Variants in CIT observed in about 807,000 individuals in gnomAD.
CIT encodes citron rho-interacting serine/threonine kinase.
CIT carries 79 observed loss-of-function variants against 272.7 expected under a neutral mutation model. The ratio of observed to expected loss-of-function variants is 0.29; its 90% CI spans 0.24 to 0.35. The LOEUF is 0.35. Among genes scored for constraint, CIT ranks in the 10% least tolerant of loss-of-function variants. CIT has a pLI of 1.00. For missense variants in CIT, 1,909 were observed against 2,618.3 expected (o/e 0.73, Z 5.91); for synonymous variants, 948 against 995.6 (o/e 0.95, Z 0.90).
intron 17 of CIT, among the ~76,000 whole-genome samples, 191 bp downstream of exon 17, chr12:119,772,579 T>G (rs1437089983): frequency 6.6e-6 from 1 of 152,242 alleles, no homozygotes; most frequent in East Asian, 1.9e-4. Flanking sequence ...TCTTTCTACT[T>G]GAAGCTGCTA....
At chr12:119,739,723 G>T (rs1958966579) in intron 24 of CIT, among the ~76,000 whole-genome samples, 2 of 152,134 alleles carry the variant, frequency 1.3e-5, no homozygotes, top group African/African-American at 4.8e-5. Context: ...CCCTGTGCAA[G>T]CAGTTTGCAC....
At chr12:119,777,515 C>G (rs1963880543) in intron 13 of CIT, among the ~76,000 whole-genome samples, 1 of 151,570 alleles carries the variant, frequency 6.6e-6, no homozygotes, top group Admixed American at 6.6e-5. Flanking sequence ...ACTAAAAACA[C>G]AAAAATTAGC....
At chr12:119,870,777 A>G (rs878868734) in intron 2 of CIT, among the ~76,000 whole-genome samples, 4 of 152,100 alleles carry the variant, frequency 2.6e-5, no homozygotes, top group African/African-American at 9.7e-5. Context: ...AGTGGTTGCA[A>G]CAGAGACTAC....
At chr12:119,853,766 AG>A (rs1970391140) in intron 4 of CIT, among the ~76,000 whole-genome samples, 1 of 152,218 alleles carries the variant, frequency 6.6e-6, no homozygotes, top group Non-Finnish European at 1.5e-5. Context: ...AAGGTGTCCA[AG>A]GAAGGCTGAA....
intron 5 of CIT, among the ~76,000 whole-genome samples, chr12:119,847,835 G>A (rs1386733371): frequency 6.6e-6 from 1 of 152,220 alleles, no homozygotes; most frequent in Non-Finnish European, 1.5e-5. Flanking sequence ...AGGTTGCAGT[G>A]AGCTGAGATT....
At position 119,734,224 on chromosome 12, in the gene CIT, G is replaced by A; in HGVS notation, c.3290C>T (p.Ser1097Phe). The A allele has an allele frequency of 1.2e-6, 2 of 1,613,556 alleles. No homozygotes were observed. The highest frequency in any genetic ancestry group is 1.7e-6 in the Non-Finnish European group (2 of 1,179,924). ...AWRSVLGDEK[S>F]QFECRVRELQ... is the part of the protein sequence containing the mutation. ...CTCTCGAACCCGACACTCAAACTGG[G>A]ATTTCTCATCACCCAGGACGCTCCT... is the stretch of plus-strand genomic sequence containing the variant. The change falls in exon 26 of 48, where the codon TCC (serine) becomes TTC (phenylalanine). Residue 1097 changes from serine to phenylalanine, a missense_variant. By Grantham distance (155) the Ser-to-Phe change is radical. Around this residue, in one of 8 missense-constraint regions of CIT, gnomAD observed 530 missense variants for 822.4 expected, o/e 0.64. Coordinates refer to ENST00000392521, the MANE Select transcript of CIT (RefSeq NM_001206999.2).
chr12:119,832,129 G>C (rs1968683123), intron 7 of CIT, among the ~76,000 whole-genome samples: 1 of 152,124 alleles, frequency 6.6e-6, no homozygotes, highest in Non-Finnish European at 1.5e-5. Context: ...TTTTTGCGGA[G>C]TTGACTTCCA....
intron 13 of CIT, among the ~76,000 whole-genome samples, chr12:119,778,836 G>A (rs1383686108): frequency 6.6e-6 from 1 of 152,092 alleles, no homozygotes; most frequent in Non-Finnish European, 1.5e-5. Flanking sequence ...CAGAATCATG[G>A]GGCACACAGG....
intron 41 of CIT, among the ~76,000 whole-genome samples, chr12:119,703,386 T>C (rs137973165): frequency 2.2e-3 from 338 of 151,362 alleles, no homozygotes; most frequent in Non-Finnish European, 4.1e-3. Context: ...CTCTAACAGG[T>C]AATGACCCTT....
intron 22 of CIT, among the ~76,000 whole-genome samples, chr12:119,757,132 AAG>A (rs1166850696): frequency 2.6e-5 from 4 of 151,294 alleles, no homozygotes; most frequent in Non-Finnish European, 5.9e-5. Context: ...AAAAAAAAAA[AAG>A]AGGTTAGCAC....
chr12:119,834,199 C>G lies in CIT; in HGVS notation c.546G>C (p.Leu182Phe), dbSNP rs55687050. 1 of 1,613,050 alleles carries G rather than the reference C, an allele frequency of 6.2e-7. No individual in the cohort carries two copies. Residue 182 changes from leucine (L) to phenylalanine (F), a missense_variant, in exon 6 of 48, where the codon TTG (leucine) becomes TTC (phenylalanine). Physicochemically the swap from Leu to Phe is conservative, Grantham distance 22. This residue lies in a region of CIT where 529 missense variants were observed against 549.6 expected (regional missense o/e 0.96). Coordinates refer to ENST00000392521, the MANE Select transcript of CIT (RefSeq NM_001206999.2). ...CCTCATATCTATTCAAAAGTGACAGCAAGTCCCCTCCAGGCTGATATTCCA... is the reference window on the plus strand; with the variant it reads ...CCTCATATCTATTCAAAAGTGACAGGAAGTCCCCTCCAGGCTGATATTCCA... ...LVMEYQPGGD[L>F]LSLLNRYEDQ...
intron 3 of CIT, among the ~76,000 whole-genome samples, chr12:119,867,347 T>G (rs565951354): frequency 1.3e-5 from 2 of 152,064 alleles, no homozygotes; most frequent in South Asian, 2.1e-4. Context: ...CGCTGCCACA[T>G]TCAGCTAATT....
chr12:119,822,971 C>T lies in CIT; in HGVS notation c.960G>A (p.Arg320=). The T allele has an allele frequency of 6.2e-7, 1 of 1,601,236 alleles. No homozygotes were observed. The highest frequency in any genetic ancestry group is 8.5e-7 in the Non-Finnish European group (1 of 1,176,594). ...RTFNNIMNFQ[R]FLKFPDDPKV... Reference sequence around the variant, plus strand: ...TGGGGTCATCTGGAAATTTCAAAAACCGCTGTTCCAAAAAAAATAAGAGAA... The same window carrying T: ...TGGGGTCATCTGGAAATTTCAAAAATCGCTGTTCCAAAAAAAATAAGAGAA... Residue 320 remains arginine (R), a splice_region_variant and synonymous_variant, in exon 9 of 48, where the codon CGG becomes CGA. Coordinates refer to ENST00000392521, the MANE Select transcript of CIT (RefSeq NM_001206999.2).
intron 20 of CIT, among the ~76,000 whole-genome samples, chr12:119,760,133 G>A (rs1242600040): frequency 6.7e-6 from 1 of 149,552 alleles, no homozygotes; most frequent in East Asian, 2.0e-4. Context: ...GTTGCAGTGA[G>A]CTGAAATCAT....
intron 24 of CIT, among the ~76,000 whole-genome samples, chr12:119,740,519 T>C (rs768942890): frequency 2.8e-4 from 42 of 151,434 alleles, no homozygotes; most frequent in Non-Finnish European, 5.0e-4. Context: ...AGTACACCAA[T>C]TATACCTCAA....
rs766033223 is a variant in CIT at position 119,690,287 on chromosome 12, G to C, written c.6050C>G (p.Pro2017Arg). The change falls in exon 47 of 48, where the codon CCC (proline) becomes CGC (arginine). Residue 2017 changes from proline (P) to arginine (R), a missense_variant. This residue lies in a region of CIT where 780 missense variants were observed against 1,067.2 expected (regional missense o/e 0.73). Coordinates refer to ENST00000392521, the MANE Select transcript of CIT (RefSeq NM_001206999.2). This position sits in a 1 kb window ranked among gnomAD's most constrained non-coding sequence, Gnocchi z 6.0. The stretch of plus-strand genomic sequence containing the variant: ...GCCGGGGGACTTCTCTCGCTCCAGG[G>C]GGCGGCCAGGAGACTTGTCCCTGCG... The part of the protein sequence containing the change: ...ELRRDKSPGR[P>R]LEREKSPGRM... The C allele has an allele frequency of 6.3e-7, 1 of 1,586,280 alleles. No homozygotes were observed. The highest frequency in any genetic ancestry group is 1.1e-5 in the South Asian group (1 of 89,376).
At chr12:119,821,422 G>GC (rs2138034294) in intron 9 of CIT, among the ~76,000 whole-genome samples, 1 of 152,278 alleles carries the variant, frequency 6.6e-6, no homozygotes, top group East Asian at 1.9e-4. Context: ...ACATAGGTAT[G>GC]TATGCACAGG....
intron 19 of CIT, among the ~76,000 whole-genome samples, chr12:119,764,963 C>G (rs1038331326): frequency 6.6e-6 from 1 of 151,930 alleles, no homozygotes; most frequent in African/African-American, 2.4e-5. Context: ...CACGCCACCA[C>G]GCCTGGCTAA....
At chr12:119,837,106 C>A (rs926063017) in intron 5 of CIT, among the ~76,000 whole-genome samples, 6 of 152,162 alleles carry the variant, frequency 3.9e-5, no homozygotes, top group Admixed American at 6.5e-5. Context: ...CTAAATAGAC[C>A]GGGTCCTTAT....
Sources: allele counts gnomAD v4.1 joint callset (sites outside exome capture counted in the v4.1 genomes callset), GRCh38; gene constraint gnomAD v4.1.1; regional missense constraint gnomAD v4.1.1; non-coding constraint Gnocchi (gnomAD v3.1); transcripts MANE v1.5; gene names NCBI Gene and HGNC (gene_info 2026-07-23, HGNC 2026-07-21).